DOCK3: variants seen among roughly 807,000 people sequenced by gnomAD.
The protein encoded by DOCK3 is dedicator of cytokinesis protein 3.
A neutral mutation model predicts 265.6 loss-of-function variants in DOCK3; 60 were observed. The ratio of observed to expected loss-of-function variants is 0.23; its 90% CI spans 0.18 to 0.28. The LOEUF is 0.28. Ranked by LOEUF, DOCK3 falls within the 10% of genes least tolerant of loss-of-function variation. The pLI is 1.00. For missense variants in DOCK3, 1,981 were observed against 2,594.3 expected, an observed-to-expected ratio of 0.76 and a Z score of 5.14; for synonymous variants, 881 against 938.0, an observed-to-expected ratio of 0.94 and a Z score of 1.11.
rs1189446964 is a variant in DOCK3, at chr3:51,016,919, T to C, written c.316-47529T>C. Among the ~76,000 whole-genome samples the C allele has an allele frequency of 7.2e-5, 8 of 111,110 alleles. 1 individual carries two copies. The East Asian group carries it at 1.9e-3, about 27-fold the overall frequency. 72.9% of individuals were successfully genotyped at this position (111,110 alleles called of 152,430 possible). On this transcript the variant is annotated intron_variant, in intron 5 of 52. Coordinates refer to ENST00000266037, the MANE Select transcript of DOCK3 (RefSeq NM_004947.5). ...TATATGATATATGTTTATATATAAA[T>C]ATATTAATATATACAATATATGTTA... is the stretch of plus-strand genomic sequence containing the variant.
intron 1 of DOCK3, among the ~76,000 whole-genome samples, chr3:50,752,580 C>T (rs1297360570): frequency 6.6e-6 from 1 of 151,386 alleles, no homozygotes; most frequent in Non-Finnish European, 1.5e-5. Flanking sequence ...ATTTTGAGAA[C>T]AGCCTGCCCA....
chr3:50,687,887 C>T (rs2034943311), intron 1 of DOCK3, among the ~76,000 whole-genome samples: 1 of 152,234 alleles, frequency 6.6e-6, no homozygotes, highest in African/African-American at 2.4e-5. Context: ...AACATATCCT[C>T]ATGTGCATCC....
At chr3:51,308,707 A>G (rs1398060130) in intron 27 of DOCK3, among the ~76,000 whole-genome samples, 8 of 152,142 alleles carry the variant, frequency 5.3e-5, no homozygotes, top group African/African-American at 1.9e-4. Context: ...CATTGTCATC[A>G]TGGCCCGTTC....
intron 5 of DOCK3, among the ~76,000 whole-genome samples, chr3:51,030,213 T>C (rs2108947122): frequency 6.6e-6 from 1 of 152,336 alleles, no homozygotes; most frequent in Admixed American, 6.5e-5. Flanking sequence ...CATTCACTAA[T>C]AACTTTGATC....
intron 12 of DOCK3, among the ~76,000 whole-genome samples, chr3:51,196,729 A>G (rs190156277): frequency 8.5e-5 from 13 of 152,300 alleles, no homozygotes; most frequent in Non-Finnish European, 1.6e-4. Context: ...CAGAATTTCT[A>G]TCTGGTGCTT....
At chr3:51,212,705 C>CG (rs2108199765) in intron 13 of DOCK3, among the ~76,000 whole-genome samples, 1 of 152,238 alleles carries the variant, frequency 6.6e-6, no homozygotes, top group Admixed American at 6.5e-5. Flanking sequence ...AAACTAATTG[C>CG]GGTTTAGTCC....
intron 5 of DOCK3, among the ~76,000 whole-genome samples, chr3:51,057,572 G>A (rs1450051007): frequency 6.6e-6 from 1 of 152,210 alleles, no homozygotes; most frequent in Non-Finnish European, 1.5e-5. Context: ...TTTTTCCTGA[G>A]TGAGGTATTC....
In DOCK3 at chr3:50,982,243, G is replaced by A. The variant is rs550921051; in HGVS notation, c.315+48166G>A. ...CCATTCGGTCTGTATATTTTAAGTG[G>A]GGAATTTAATCTACTTATGCTCAAA... On this transcript the variant is annotated intron_variant, in intron 5 of 52. Transcript: ENST00000266037. Among the ~76,000 whole-genome samples the A allele has an allele frequency of 2.0e-5, 3 of 152,026 alleles. No individual in the cohort carries two copies. In the South Asian group the frequency reaches 6.2e-4, roughly 32 times the overall value.
At chr3:50,779,409 G>A (rs1267972930) in intron 2 of DOCK3, among the ~76,000 whole-genome samples, 2 of 151,840 alleles carry the variant, frequency 1.3e-5, no homozygotes, top group Non-Finnish European at 2.9e-5. Context: ...TTGAGAGGGA[G>A]CCTTGCTCTT....
At chr3:50,765,731 C>T (rs1166313255) in intron 1 of DOCK3, among the ~76,000 whole-genome samples, 1 of 152,040 alleles carries the variant, frequency 6.6e-6, no homozygotes, top group Non-Finnish European at 1.5e-5. Flanking sequence ...TTAGGTTTTC[C>T]ATCACCTCAA....
rs952636019 is a variant in DOCK3, at chr3:51,348,739, A to C, written c.3916-113A>C. ...TTGAGGTATATGTTCTTTGTGACAC[A>C]TGAGTTGGAGCTGGCGGGAGACCTT... is the stretch of plus-strand genomic sequence containing the variant. On this transcript the variant is annotated intron_variant, in intron 38 of 52. Coordinates refer to ENST00000266037, the MANE Select transcript of DOCK3 (RefSeq NM_004947.5). The C allele has an allele frequency of 2.0e-5, 21 of 1,049,798 alleles. No homozygotes were observed. The Admixed American group carries it at 4.3e-4, about 21-fold the overall frequency. The allele number at this position is 1,049,798 out of a possible 1,614,324, so 65.0% of individuals were successfully genotyped here. A position where few individuals can be genotyped will look rare whatever the true frequency, so the allele number is the denominator to read the frequency against.
chr3:51,032,740 T>G (rs572956101), intron 5 of DOCK3, among the ~76,000 whole-genome samples: 1 of 152,106 alleles, frequency 6.6e-6, no homozygotes, highest in South Asian at 2.1e-4. Flanking sequence ...AGACCTTGTC[T>G]CTAAAAATTT....
At chr3:50,910,114 T>C (rs1416468104) in intron 4 of DOCK3, among the ~76,000 whole-genome samples, 4 of 152,024 alleles carry the variant, frequency 2.6e-5, no homozygotes. Flanking sequence ...CATTATCAGC[T>C]CTTATATTGT....
chr3:50,886,864 A>G (rs1014568028), intron 3 of DOCK3, among the ~76,000 whole-genome samples: 3 of 152,082 alleles, frequency 2.0e-5, no homozygotes, highest in African/African-American at 7.2e-5. Flanking sequence ...ATTAAAAGCA[A>G]TGTGTAGTGG....
intron 10 of DOCK3, among the ~76,000 whole-genome samples, chr3:51,149,497 A>G (rs912541549): frequency 2.0e-5 from 3 of 152,184 alleles, no homozygotes; most frequent in African/African-American, 7.2e-5. Context: ...AGCTCCTATT[A>G]TTTTGAGATA....
At position 50,863,307 on chromosome 3, in the gene DOCK3, T is replaced by C. The variant is rs112615650; in HGVS notation, c.162+21592T>C. 1.9e-5 allele frequency: 9 copies of C among 469,594 alleles called. 2 individuals carry two copies. Among genetic ancestry groups the C allele is most frequent in the African/African-American group, 1.4e-4 (7 of 50,666 alleles). The allele number at this position is 469,594 out of a possible 1,614,324, so 29.1% of individuals were successfully genotyped here. A position where few individuals can be genotyped will look rare whatever the true frequency, so the allele number is the denominator to read the frequency against. On this transcript the variant is annotated intron_variant, in intron 3 of 52. Transcript: ENST00000266037. Reference sequence around the variant, plus strand: ...TGCCGAACCTGTATGGCATGGTCTGTCTCAGTTCAGGTCTGAGGGGAATGC... The same window carrying C: ...TGCCGAACCTGTATGGCATGGTCTGCCTCAGTTCAGGTCTGAGGGGAATGC...
chr3:50,867,753 C>T (rs1299698702), intron 3 of DOCK3, among the ~76,000 whole-genome samples: 1 of 152,064 alleles, frequency 6.6e-6, no homozygotes, highest in Non-Finnish European at 1.5e-5. Flanking sequence ...GTTGAACCAT[C>T]CTTCCATCCC....
intron 5 of DOCK3, among the ~76,000 whole-genome samples, chr3:51,015,760 GATAT>G (rs1303272191): frequency 5.4e-5 from 1 of 18,544 alleles, no homozygotes; most frequent in South Asian, 2.0e-3. Flanking sequence ...TTCTATATAT[GATAT>G]ATATATCATA....
intron 1 of DOCK3, among the ~76,000 whole-genome samples, chr3:50,735,547 AGGCT>A (rs2038535740): frequency 6.6e-6 from 1 of 152,058 alleles, no homozygotes; most frequent in South Asian, 2.1e-4. Context: ...CATGTTGGCC[AGGCT>A]GGTCTTGAAC....
Sources: allele counts gnomAD v4.1 joint callset (sites outside exome capture counted in the v4.1 genomes callset), GRCh38; gene constraint gnomAD v4.1.1; transcripts MANE v1.5; gene names NCBI Gene and HGNC (gene_info 2026-07-23, HGNC 2026-07-21).